Variants in RERE observed in about 807,000 individuals in gnomAD.
RERE encodes the protein arginine-glutamic acid dipeptide repeats.
Under a neutral mutation model 146.1 loss-of-function variants are expected in RERE, and 40 were observed. The observed-to-expected ratio is 0.27, with a 90% CI of 0.21 to 0.36. The LOEUF is 0.36. Among genes scored for constraint, RERE ranks in the 10% least tolerant of loss-of-function variants. The pLI is 1.00. For missense variants in RERE, 1,933 were observed against 2,138.7 expected (o/e 0.90, Z 1.90); for synonymous variants, 1,003 against 866.0 (o/e 1.16, Z -2.78).
chr1:8,494,390 A>C (rs1240904805), intron 10 of RERE, among the ~76,000 whole-genome samples: 1 of 152,132 alleles, frequency 6.6e-6, no homozygotes, highest in African/African-American at 2.4e-5. Flanking sequence ...TTGTGACTTA[A>C]TCTCTCTCAA....
intron 12 of RERE, among the ~76,000 whole-genome samples, chr1:8,370,181 T>G (rs1641981866): frequency 6.6e-6 from 1 of 152,006 alleles, no homozygotes; most frequent in Admixed American, 6.5e-5. Flanking sequence ...CCACATTCAC[T>G]GGACTACAAC....
intron 1 of RERE, among the ~76,000 whole-genome samples, chr1:8,717,248 G>A (rs1175664687): frequency 1.3e-5 from 2 of 152,162 alleles, no homozygotes; most frequent in East Asian, 3.8e-4. Context: ...GTAAGAATAA[G>A]ATGGATAAGG....
At chr1:8,536,736 AC>A (rs1158397885) in intron 7 of RERE, among the ~76,000 whole-genome samples, 2 of 152,154 alleles carry the variant, frequency 1.3e-5, no homozygotes, top group Non-Finnish European at 2.9e-5. Context: ...ACAAAACTGA[AC>A]ACTCCCTGAG....
chr1:8,698,863 T>C (rs2124434810), intron 1 of RERE, among the ~76,000 whole-genome samples: 1 of 152,244 alleles, frequency 6.6e-6, no homozygotes, highest in Non-Finnish European at 1.5e-5. Context: ...ACCCATTATA[T>C]TCTTATTATC....
At chr1:8,628,734 A>G (rs1323346193) in intron 2 of RERE, among the ~76,000 whole-genome samples, 1 of 152,230 alleles carries the variant, frequency 6.6e-6, no homozygotes, top group Non-Finnish European at 1.5e-5. Flanking sequence ...AAAGGGAAAG[A>G]TAAGAACGTA....
chr1:8,617,343 C>CAAAA (rs58933208), intron 3 of RERE, among the ~76,000 whole-genome samples: 2,351 of 80,380 alleles, frequency 0.029, 168 homozygotes, highest in African/African-American at 0.088. Context: ...AACTCTGTCT[C>CAAAA]AAAAAAAAAA....
chr1:8,354,225 G>A lies in RERE; in HGVS notation c.*862C>T, dbSNP rs1380605401. 1 of 152,576 alleles carries A rather than the reference G, an allele frequency of 6.6e-6. No homozygotes were observed. Among genetic ancestry groups the A allele is most frequent in the Non-Finnish European group, 1.5e-5 (1 of 68,046 alleles). 9.5% of individuals were successfully genotyped at this position (152,576 alleles called of 1,614,324 possible). On this transcript the variant is annotated 3_prime_UTR_variant, in exon 23 of 23. Coordinates refer to ENST00000400908, the MANE Select transcript of RERE (RefSeq NM_001042681.2). ...CTGTGCAAAATGGAAGAGGTCTGAT[G>A]GAGCAGATGTCTGTGCTGCTGGCAG...
chr1:8,651,360 T>C (rs529669710), intron 2 of RERE, among the ~76,000 whole-genome samples: 6 of 152,076 alleles, frequency 3.9e-5, no homozygotes, highest in Non-Finnish European at 5.9e-5. Flanking sequence ...TGGTTAACTA[T>C]GATCACGCCA....
chr1:8,800,098 G>C (rs1376213825), intron 1 of RERE, among the ~76,000 whole-genome samples: 1 of 152,064 alleles, frequency 6.6e-6, no homozygotes, highest in African/African-American at 2.4e-5. Flanking sequence ...ACAGGCGTGA[G>C]CCACCGCACC....
At position 8,364,263 on chromosome 1, in the gene RERE, A is replaced by AGGGAAGT; in HGVS notation, c.1541-15_1541-9dup. ...GGTGCCAATCTTTGGAGGCTGTGTG[A>AGGGAAGT]GGGAAGTGGTGGGGGCCAACCTTGG... On this transcript the variant is annotated splice_polypyrimidine_tract_variant and intron_variant, in intron 14 of 22. Coordinates refer to ENST00000400908, the MANE Select transcript of RERE (RefSeq NM_001042681.2). The surrounding 1 kb of genome is among the most constrained non-coding windows in gnomAD (Gnocchi z 5.1). 6.2e-7 allele frequency: 1 copy of AGGGAAGT among 1,613,844 alleles called. No individual in the cohort carries two copies. Among genetic ancestry groups the AGGGAAGT allele is most frequent in the Non-Finnish European group, 8.5e-7 (1 of 1,179,828 alleles).
At chr1:8,643,382 A>G (rs1392522942) in intron 2 of RERE, among the ~76,000 whole-genome samples, 1 of 152,202 alleles carries the variant, frequency 6.6e-6, no homozygotes, top group Non-Finnish European at 1.5e-5. Flanking sequence ...ACAGTTTTTG[A>G]ACACACTGTG....
At chr1:8,403,900 G>A (rs1245881120) in intron 12 of RERE, among the ~76,000 whole-genome samples, 3 of 125,832 alleles carry the variant, frequency 2.4e-5, no homozygotes, top group Non-Finnish European at 4.7e-5. Context: ...GTGCCATCTC[G>A]GCTCACTGCA....
At chr1:8,721,500 G>C (rs905869878) in intron 1 of RERE, among the ~76,000 whole-genome samples, 1 of 152,030 alleles carries the variant, frequency 6.6e-6, no homozygotes, top group African/African-American at 2.4e-5. Context: ...TTTTAATAGA[G>C]AGAGGGTTTC....
intron 12 of RERE, among the ~76,000 whole-genome samples, chr1:8,407,062 G>C (rs1454555780): frequency 6.6e-6 from 1 of 152,250 alleles, no homozygotes; most frequent in Non-Finnish European, 1.5e-5. Flanking sequence ...ATGAAGTCCA[G>C]AAAGTGCTGT....
rs139009961 is a variant in RERE, at chr1:8,430,647, C to T, written c.1204-7840G>A. On this transcript the variant is annotated intron_variant, in intron 11 of 22. Coordinates refer to ENST00000400908, the MANE Select transcript of RERE (RefSeq NM_001042681.2). ...AGGCCACATCCTCCTCAAGTAGCAA[C>T]TCATGAACCCAGAGAACTGACTGAA... is the stretch of plus-strand genomic sequence containing the variant. Among the ~76,000 whole-genome samples the T allele has an allele frequency of 1.6e-3, 247 of 152,328 alleles. 5 individuals are homozygous for T. In the East Asian group the frequency reaches 0.042, roughly 26 times the overall value.
rs1207624835 is a variant in RERE, at chr1:8,549,289, A to T, written c.725+7186T>A. Among the ~76,000 whole-genome samples the T allele has an allele frequency of 2.6e-5, 4 of 152,226 alleles. No individual in the cohort carries two copies. In the East Asian group the frequency reaches 7.7e-4, roughly 29 times the overall value. ...GAGAACATCTTGTGGAGCTAGAAAT[A>T]AGAAAGTGCTCAAAAAAATACAGAA... On this transcript the variant is annotated intron_variant, in intron 6 of 22. Coordinates refer to ENST00000400908, the MANE Select transcript of RERE (RefSeq NM_001042681.2).
chr1:8,753,792 CA>C (rs1304328967), intron 1 of RERE: 1 of 152,102 alleles, frequency 6.6e-6, no homozygotes, highest in Admixed American at 6.5e-5. Context: ...AAATAAGACC[CA>C]AAGTATGTAA....
intron 11 of RERE, among the ~76,000 whole-genome samples, chr1:8,453,063 G>C (rs1172487457): frequency 6.6e-6 from 1 of 152,140 alleles, no homozygotes; most frequent in African/African-American, 2.4e-5. Flanking sequence ...ATGTTTTACA[G>C]ATATTTAAAA....
chr1:8,577,315 C>T (rs1299208251), intron 4 of RERE, among the ~76,000 whole-genome samples: 1 of 151,890 alleles, frequency 6.6e-6, no homozygotes, highest in Non-Finnish European at 1.5e-5. Context: ...TCTCTCTCTC[C>T]CCTCTCTTTC....
Sources: allele counts gnomAD v4.1 joint callset (sites outside exome capture counted in the v4.1 genomes callset), GRCh38; gene constraint gnomAD v4.1.1; non-coding constraint Gnocchi (gnomAD v3.1); transcripts MANE v1.5; gene names NCBI Gene and HGNC (gene_info 2026-07-23, HGNC 2026-07-21).